KLHL5: variants seen among roughly 807,000 people sequenced by gnomAD.
KLHL5 encodes the protein kelch-like protein 5.
A neutral mutation model predicts 77.7 loss-of-function variants in KLHL5; 48 were observed. That is an observed-to-expected ratio of 0.62 (90% CI 0.49 to 0.79). The LOEUF (loss-of-function observed/expected upper bound fraction) is 0.79, where lower values mean the gene tolerates loss of function less well. Among genes scored for constraint, KLHL5 ranks in the 30% least tolerant of loss-of-function variants. KLHL5 has a pLI of 0.00. For missense variants in KLHL5, 723 were observed against 859.7 expected (o/e 0.84, Z 1.99); for synonymous variants, 260 against 297.0 (o/e 0.88, Z 1.28).
rs1723418889 is a variant in KLHL5, at chr4:39,124,747, C to T, written c.*3681C>T. Among the ~76,000 whole-genome samples the T allele has an allele frequency of 7.6e-6, 1 of 132,388 alleles. No individual in the cohort carries two copies. The highest frequency in any genetic ancestry group is 1.6e-5 in the Non-Finnish European group (1 of 64,098). 86.9% of individuals were successfully genotyped at this position (132,388 alleles called of 152,430 possible). On this transcript the variant is annotated 3_prime_UTR_variant, in exon 11 of 11. Coordinates refer to ENST00000504108, the MANE Select transcript of KLHL5 (RefSeq NM_015990.5). ...AAATACAGGAATAAATCTTCATGAC[C>T]TTGGATTTGGCAATGGTTTCTTAGA...
intron 6 of KLHL5, among the ~76,000 whole-genome samples, chr4:39,097,144 T>C (rs1721137322): frequency 6.6e-6 from 1 of 152,194 alleles, no homozygotes; most frequent in Non-Finnish European, 1.5e-5. Context: ...AAATAAATAA[T>C]AGTAAAATAT....
intron 5 of KLHL5, among the ~76,000 whole-genome samples, chr4:39,089,247 G>T (rs1054510550): frequency 6.6e-6 from 1 of 152,062 alleles, no homozygotes; most frequent in Admixed American, 6.6e-5. Context: ...AATGGTGAAG[G>T]TATACAAAAA....
rs71643268 is a variant in KLHL5 at position 39,124,802 on chromosome 4, C to CAAAAAAAAAAAAAAAAAAAAAAA, written c.*3738_*3760dup. Reference sequence around the variant, plus strand: ...GCACCAAAAGCACAAGCAACAACAGCAAAAAAAAAAAAAAAAAAAAAAAAT... The same window carrying CAAAAAAAAAAAAAAAAAAAAAAA: ...GCACCAAAAGCACAAGCAACAACAGCAAAAAAAAAAAAAAAAAAAAAAAAAAAAAAAAAAAAAAAAAAAAAAAT... On this transcript the variant is annotated 3_prime_UTR_variant, in exon 11 of 11. Coordinates refer to ENST00000504108, the MANE Select transcript of KLHL5 (RefSeq NM_015990.5). Among the ~76,000 whole-genome samples, 23 of 44,112 alleles carry CAAAAAAAAAAAAAAAAAAAAAAA rather than the reference C, an allele frequency of 5.2e-4. 2 individuals carry two copies. Among genetic ancestry groups the CAAAAAAAAAAAAAAAAAAAAAAA allele is most frequent in the African/African-American group, 1.4e-3 (19 of 13,558 alleles). 28.9% of individuals were successfully genotyped at this position (44,112 alleles called of 152,430 possible).
At chr4:39,095,520 C>T (rs1156547351) in intron 5 of KLHL5, among the ~76,000 whole-genome samples, 1 of 151,866 alleles carries the variant, frequency 6.6e-6, no homozygotes, top group African/African-American at 2.4e-5. Context: ...CAAATCTATC[C>T]TATAAAGGTA....
At chr4:39,054,204 C>T (rs1427392776) in intron 1 of KLHL5, among the ~76,000 whole-genome samples, 1 of 152,180 alleles carries the variant, frequency 6.6e-6, no homozygotes, top group Non-Finnish European at 1.5e-5. Context: ...CACAACTACT[C>T]TACCTGCCTC....
intron 6 of KLHL5, among the ~76,000 whole-genome samples, chr4:39,101,961 C>CAT (rs1334260082): frequency 4.8e-5 from 3 of 62,256 alleles, no homozygotes; most frequent in East Asian, 6.8e-4. Context: ...TATATACACA[C>CAT]ACATATATAT....
chr4:39,089,931 C>T (rs1720367683), intron 5 of KLHL5, among the ~76,000 whole-genome samples: 1 of 152,186 alleles, frequency 6.6e-6, no homozygotes. Flanking sequence ...TACTTTACCT[C>T]TCAGAACATT....
upstream of KLHL5, among the ~76,000 whole-genome samples, chr4:39,061,783 CTT>C (rs1392214401): frequency 2.6e-5 from 4 of 152,302 alleles, no homozygotes; most frequent in African/African-American, 9.6e-5. Context: ...CCCATTTCTA[CTT>C]ATAGAGAAAT....
intron 8 of KLHL5, among the ~76,000 whole-genome samples, chr4:39,111,002 A>AT (rs896712935): frequency 7.2e-5 from 11 of 152,142 alleles, no homozygotes; most frequent in Admixed American, 2.6e-4. Context: ...CAAATGAACC[A>AT]TTTTTTAGAC....
intron 8 of KLHL5, among the ~76,000 whole-genome samples, chr4:39,108,911 G>GGACC (rs2109553311): frequency 6.6e-6 from 1 of 152,136 alleles, no homozygotes; most frequent in South Asian, 2.1e-4. Context: ...CCTGATTTCC[G>GGACC]GACCTACCGT....
intron 1 of KLHL5, among the ~76,000 whole-genome samples, chr4:39,067,562 A>G (rs1000799761): frequency 1.3e-5 from 2 of 152,068 alleles, no homozygotes; most frequent in East Asian, 3.9e-4. Context: ...ATAGCTAATT[A>G]TTCATTCTAA....
chr4:39,059,956 T>C (rs999368902), upstream of KLHL5, among the ~76,000 whole-genome samples: 1 of 152,070 alleles, frequency 6.6e-6, no homozygotes, highest in African/African-American at 2.4e-5. Context: ...CTCCTGGCAA[T>C]AAATTCTGTA....
At chr4:39,088,937 G>A (rs1720286383) in intron 5 of KLHL5, among the ~76,000 whole-genome samples, 1 of 152,168 alleles carries the variant, frequency 6.6e-6, no homozygotes, top group Non-Finnish European at 1.5e-5. Context: ...GAGGGGAATG[G>A]ACCAGAACAT....
intron 1 of KLHL5, among the ~76,000 whole-genome samples, chr4:39,072,315 C>G (rs1413643011): frequency 6.6e-6 from 1 of 152,124 alleles, no homozygotes; most frequent in Non-Finnish European, 1.5e-5. Flanking sequence ...ATAATCTTCT[C>G]TTGAGGGATC....
intron 7 of KLHL5, among the ~76,000 whole-genome samples, chr4:39,105,824 G>A (rs1721993422): frequency 6.6e-6 from 1 of 151,732 alleles, no homozygotes; most frequent in Non-Finnish European, 1.5e-5. Context: ...TAACATATGA[G>A]TGGAACAATC....
intron 4 of KLHL5, among the ~76,000 whole-genome samples, chr4:39,082,874 G>A (rs1037812072): frequency 1.3e-5 from 2 of 150,658 alleles, no homozygotes; most frequent in African/African-American, 4.9e-5. Flanking sequence ...AACAGTAGAG[G>A]GGTGCAGGCA....
At chr4:39,061,435 A>G (rs543408772), upstream of KLHL5, among the ~76,000 whole-genome samples, 23 of 152,256 alleles carry the variant, frequency 1.5e-4, no homozygotes, top group Middle Eastern at 3.4e-3. Flanking sequence ...ATTTTACCTT[A>G]TCAAATATTT....
chr4:39,096,646 C>T, intron 5 of KLHL5, 46 bp from the exon 6 acceptor site: 6 of 1,314,980 alleles, frequency 4.6e-6, no homozygotes, highest in Non-Finnish European at 6.3e-6. Flanking sequence ...GTAAACCCTA[C>T]CATTTTCTTA....
At position 39,062,826 on chromosome 4, in the gene KLHL5, C is replaced by G. The variant is rs752194008; in HGVS notation, c.174C>G (p.Ser58Arg). The G allele has an allele frequency of 6.2e-7, 1 of 1,614,136 alleles. No individual in the cohort carries two copies. The highest frequency in any genetic ancestry group is 8.5e-7 in the Non-Finnish European group (1 of 1,180,012). Residue 58 changes from serine (S) to arginine (R), a missense_variant, in exon 1 of 11, where the codon AGC (serine) becomes AGG (arginine). Ser to Arg is a moderately radical substitution (Grantham distance 110). Transcript: ENST00000504108. ...GGAGAAAGTTTTTAGATCCATGTAG[C>G]CTACAATTGCCTTTGGCTTCAATTG... ...NGGRKFLDPCSLQLPLASIGY... is the reference protein window; with the variant it reads ...NGGRKFLDPCRLQLPLASIGY...
Sources: allele counts gnomAD v4.1 joint callset (sites outside exome capture counted in the v4.1 genomes callset), GRCh38; gene constraint gnomAD v4.1.1; transcripts MANE v1.5; gene names NCBI Gene and HGNC (gene_info 2026-07-23, HGNC 2026-07-21).